The following CTNND2 variants were observed in gnomAD, a reference collection of about 807,000 sequenced individuals.
CTNND2 encodes catenin delta-2.
A neutral mutation model predicts 144.4 loss-of-function variants in CTNND2; 22 were observed. The observed-to-expected ratio is 0.15, with a 90% confidence interval of 0.11 to 0.22. CTNND2 has a LOEUF of 0.22. Ranked by LOEUF, CTNND2 falls within the 10% of genes least tolerant of loss-of-function variation. CTNND2 has a pLI of 1.00. For missense variants in CTNND2, 1,353 were observed against 1,618.8 expected, an observed-to-expected ratio of 0.84 and a Z score of 2.82; for synonymous variants, 751 against 695.6, an observed-to-expected ratio of 1.08 and a Z score of -1.25.
At chr5:11,094,507 G>GTCTCACTC (rs1751134383) in intron 15 of CTNND2, among the ~76,000 whole-genome samples, 1 of 140,992 alleles carries the variant, frequency 7.1e-6, no homozygotes, top group African/African-American at 2.6e-5. Flanking sequence ...TTGAGATGGA[G>GTCTCACTC]TCTCACTCTG....
chr5:11,274,455 A>C (rs1746325004), intron 9 of CTNND2, among the ~76,000 whole-genome samples: 1 of 152,206 alleles, frequency 6.6e-6, no homozygotes, highest in Non-Finnish European at 1.5e-5. Flanking sequence ...CTGTCTCAGC[A>C]AAAATGTGAG....
At chr5:11,642,706 G>T (rs1174452316) in intron 2 of CTNND2, among the ~76,000 whole-genome samples, 4 of 152,242 alleles carry the variant, frequency 2.6e-5, no homozygotes, top group Non-Finnish European at 5.9e-5. Flanking sequence ...GGGTGACCTT[G>T]TGAGGAATTT....
At chr5:11,658,753 T>C (rs1783038520) in intron 2 of CTNND2, among the ~76,000 whole-genome samples, 1 of 152,162 alleles carries the variant, frequency 6.6e-6, no homozygotes, top group African/African-American at 2.4e-5. Flanking sequence ...ATTAAAAATT[T>C]ACACTGCGCT....
At chr5:11,818,934 T>A (rs2126936858) in intron 1 of CTNND2, among the ~76,000 whole-genome samples, 1 of 152,230 alleles carries the variant, frequency 6.6e-6, no homozygotes, top group South Asian at 2.1e-4. Context: ...GCAGGCACCA[T>A]GTGTCTCAAA....
At position 11,644,673 on chromosome 5, in the gene CTNND2, CA is replaced by C. The variant is rs202244691; in HGVS notation, c.175-79618del. 8.5e-3 allele frequency among the ~76,000 whole-genome samples: 972 copies of C among 114,228 alleles called. 4 individuals carry two copies. Among genetic ancestry groups the C allele is most frequent in the Admixed American group, 0.019 (204 of 10,846 alleles). 74.9% of individuals were successfully genotyped at this position (114,228 alleles called of 152,430 possible). A position where few individuals can be genotyped will look rare whatever the true frequency, so the allele number is the denominator to read the frequency against. ...TGGGCGAAAGAACAAGACTCCATCT[CA>C]AAAAAAAAAAAAAAATGATACCAAG... On this transcript the variant is annotated intron_variant, in intron 2 of 21. Transcript: ENST00000304623.
chr5:11,334,841 G>A (rs1753577832), intron 9 of CTNND2, among the ~76,000 whole-genome samples: 1 of 152,150 alleles, frequency 6.6e-6, no homozygotes, highest in Admixed American at 6.5e-5. Context: ...CCTCCGGTAT[G>A]GAATTTTAAA....
intron 9 of CTNND2, among the ~76,000 whole-genome samples, chr5:11,248,243 T>C (rs1041260596): frequency 2.6e-5 from 4 of 152,114 alleles, no homozygotes; most frequent in African/African-American, 9.7e-5. Context: ...ACTTTGTTGA[T>C]ATCAGGGTAA....
intron 2 of CTNND2, among the ~76,000 whole-genome samples, chr5:11,662,263 G>GCATATATATACATATATA (rs1783303119): frequency 8.1e-6 from 1 of 123,102 alleles, no homozygotes; most frequent in Non-Finnish European, 1.6e-5. Flanking sequence ...GTGTATATAT[G>GCATATATATACATATATA]TGTGTGTGTG....
At chr5:11,119,508 T>C (rs1753872663) in intron 12 of CTNND2, among the ~76,000 whole-genome samples, 1 of 152,240 alleles carries the variant, frequency 6.6e-6, no homozygotes, top group Admixed American at 6.5e-5. Flanking sequence ...TCCGTGGTGG[T>C]GGCCAGAGAG....
chr5:10,996,227 C>A (rs1184687699), intron 18 of CTNND2, among the ~76,000 whole-genome samples: 1 of 152,112 alleles, frequency 6.6e-6, no homozygotes, highest in African/African-American at 2.4e-5. Flanking sequence ...GACAAGGGAA[C>A]GTCACGGAAG....
chr5:11,680,006 G>C (rs1784355482), intron 2 of CTNND2, among the ~76,000 whole-genome samples: 1 of 152,172 alleles, frequency 6.6e-6, no homozygotes, highest in Non-Finnish European at 1.5e-5. Flanking sequence ...GGAGACTAGA[G>C]ATTATGTTTC....
chr5:11,640,652 T>G (rs1781952553), intron 2 of CTNND2, among the ~76,000 whole-genome samples: 1 of 152,154 alleles, frequency 6.6e-6, no homozygotes. Flanking sequence ...AAGGCCTGCA[T>G]TTTCCTCAAC....
At chr5:11,888,748 CTTTT>C (rs566356140) in intron 1 of CTNND2, among the ~76,000 whole-genome samples, 7 of 134,684 alleles carry the variant, frequency 5.2e-5, no homozygotes, top group African/African-American at 1.9e-4. Flanking sequence ...CAGAATGACT[CTTTT>C]TTTTTTTTTT....
chr5:11,430,260 AAAAAAAAAAAGGAG>A (rs1763164915), intron 3 of CTNND2, among the ~76,000 whole-genome samples: 1 of 149,014 alleles, frequency 6.7e-6, no homozygotes, highest in South Asian at 2.1e-4. Flanking sequence ...AAAAAAAAAA[AAAAAAAAAAAGGAG>A]TTTTTTTTTT....
intron 3 of CTNND2, among the ~76,000 whole-genome samples, chr5:11,522,088 G>A (rs1287223655): frequency 6.6e-6 from 1 of 152,172 alleles, no homozygotes; most frequent in East Asian, 1.9e-4. Flanking sequence ...TAATTCTGTG[G>A]ACACACAGCG....
intron 12 of CTNND2, among the ~76,000 whole-genome samples, chr5:11,142,907 T>C (rs1051203845): frequency 2.0e-5 from 3 of 152,138 alleles, no homozygotes; most frequent in Admixed American, 2.0e-4. Context: ...ACTCTTTTAT[T>C]AGCCAACTGG....
chr5:11,287,104 C>T (rs867154062), intron 9 of CTNND2, among the ~76,000 whole-genome samples: 14 of 152,252 alleles, frequency 9.2e-5, no homozygotes, highest in Middle Eastern at 6.8e-3. Flanking sequence ...TGTAGTATGA[C>T]GCTGTGACAA....
chr5:11,618,867 C>T (rs148233941), intron 2 of CTNND2, among the ~76,000 whole-genome samples: 1 of 152,124 alleles, frequency 6.6e-6, no homozygotes, highest in African/African-American at 2.4e-5. Context: ...ATCAGATATT[C>T]ATTCTCAGCT....
intron 9 of CTNND2, among the ~76,000 whole-genome samples, chr5:11,257,869 A>C (rs1744439070): frequency 6.6e-6 from 1 of 152,126 alleles, no homozygotes. Flanking sequence ...ACTTATTTAG[A>C]TGGTAAGGCA....
Sources: allele counts gnomAD v4.1 joint callset (sites outside exome capture counted in the v4.1 genomes callset), GRCh38; gene constraint gnomAD v4.1.1; transcripts MANE v1.5; gene names NCBI Gene and HGNC (gene_info 2026-07-23, HGNC 2026-07-21).